The following H2BN1 variants were observed in gnomAD, a reference collection of about 807,000 sequenced individuals.
The protein encoded by H2BN1 is histone H2B.N.
the H2BN1 span, among the ~76,000 whole-genome samples, chr17:32,901,749 G>T: frequency 2.0e-5 from 3 of 152,184 alleles, no homozygotes; most frequent in Non-Finnish European, 4.4e-5. Flanking sequence ...ATGGCGAGAT[G>T]CAATGAAAGT....
the H2BN1 span, among the ~76,000 whole-genome samples, chr17:32,897,069 C>G: frequency 1.3e-5 from 2 of 152,264 alleles, no homozygotes; most frequent in East Asian, 1.9e-4. Context: ...GAGTCACTGT[C>G]TCAGGGCACT....
At chr17:32,903,413 C>T in the H2BN1 span, among the ~76,000 whole-genome samples, 6 of 152,008 alleles carry the variant, frequency 3.9e-5, no homozygotes, top group Admixed American at 1.3e-4. Context: ...AAATTTACAT[C>T]GTAAGTTATG....
the H2BN1 span, among the ~76,000 whole-genome samples, chr17:32,901,046 A>G: frequency 3.3e-5 from 5 of 151,936 alleles, no homozygotes; most frequent in Admixed American, 1.3e-4. Flanking sequence ...TGTCTCTACT[A>G]AAAATACAAA....
the H2BN1 span, among the ~76,000 whole-genome samples, chr17:32,901,212 A>G: frequency 2.0e-5 from 3 of 152,076 alleles, no homozygotes; most frequent in Admixed American, 6.6e-5. Context: ...GTGTCAAAAA[A>G]AATTTTTTTT....
the H2BN1 span, among the ~76,000 whole-genome samples, chr17:32,900,181 C>T: frequency 6.6e-6 from 1 of 152,120 alleles, no homozygotes; most frequent in African/African-American, 2.4e-5. Flanking sequence ...AGGAATTTCC[C>T]ATAATTTTGG....
At chr17:32,899,053 C>T in the H2BN1 span, among the ~76,000 whole-genome samples, 5 of 152,084 alleles carry the variant, frequency 3.3e-5, no homozygotes, top group Non-Finnish European at 5.9e-5. Flanking sequence ...TAATAAAAAT[C>T]GAACAACATT....
chr17:32,896,218 A>C, the H2BN1 span, among the ~76,000 whole-genome samples: 20 of 152,250 alleles, frequency 1.3e-4, no homozygotes, highest in South Asian at 1.2e-3. Context: ...GCCTGGCCTA[A>C]ACTGATTCTT....
At chr17:32,905,729 C>T in the H2BN1 span, 1 of 152,042 alleles carries the variant, frequency 6.6e-6, no homozygotes, top group Non-Finnish European at 1.5e-5. Context: ...GGGGACAACT[C>T]GAGGTGAAGG....
the H2BN1 span, among the ~76,000 whole-genome samples, chr17:32,897,358 TAC>T: frequency 0.12 from 15,082 of 123,814 alleles, 897 homozygotes; most frequent in East Asian, 0.16. Flanking sequence ...CTCTCTGTCT[TAC>T]ACACACACAC....
the H2BN1 span, among the ~76,000 whole-genome samples, chr17:32,900,477 A>G: frequency 6.6e-6 from 1 of 152,262 alleles, no homozygotes; most frequent in East Asian, 1.9e-4. Flanking sequence ...CATTTGACCA[A>G]AGTGATAACT....
At chr17:32,896,533 GT>G in the H2BN1 span, among the ~76,000 whole-genome samples, 4 of 152,290 alleles carry the variant, frequency 2.6e-5, 1 homozygote, top group African/African-American at 9.6e-5. Flanking sequence ...AAGTTTGAGT[GT>G]TCACGTGTGT....
At chr17:32,904,322 AC>A in the H2BN1 span, among the ~76,000 whole-genome samples, 4 of 152,216 alleles carry the variant, frequency 2.6e-5, no homozygotes, top group African/African-American at 4.8e-5. Flanking sequence ...AAAGTAGTAG[AC>A]AAGACCTCTT....
the H2BN1 span, chr17:32,906,272 C>T: frequency 6.6e-6 from 1 of 152,204 alleles, no homozygotes; most frequent in African/African-American, 2.4e-5. Flanking sequence ...ATGGGTTAGC[C>T]TGGAGGCATT....
chr17:32,901,226 A>G, the H2BN1 span, among the ~76,000 whole-genome samples: 1 of 151,812 alleles, frequency 6.6e-6, no homozygotes, highest in African/African-American at 2.4e-5. Flanking sequence ...TTTTTTTTTT[A>G]AATCTTGACC....
At chr17:32,898,022 C>T in the H2BN1 span, among the ~76,000 whole-genome samples, 4 of 152,156 alleles carry the variant, frequency 2.6e-5, no homozygotes, top group African/African-American at 7.2e-5. Context: ...ATCCAAACAA[C>T]GGTTATCTTT....
At chr17:32,905,336 C>T in the H2BN1 span, among the ~76,000 whole-genome samples, 1 of 152,174 alleles carries the variant, frequency 6.6e-6, no homozygotes, top group Non-Finnish European at 1.5e-5. Context: ...GGGGTGCTTG[C>T]AGACTTCAAT....
At chr17:32,895,894 C>T in the H2BN1 span, among the ~76,000 whole-genome samples, 6 of 152,064 alleles carry the variant, frequency 3.9e-5, no homozygotes, top group Non-Finnish European at 5.9e-5. Flanking sequence ...AATCTGTAAA[C>T]TGATTCTTTT....
the H2BN1 span, among the ~76,000 whole-genome samples, chr17:32,901,582 C>G: frequency 1.3e-5 from 2 of 152,126 alleles, no homozygotes; most frequent in African/African-American, 4.8e-5. Flanking sequence ...TAAGATTTAG[C>G]AGGACTTGGT....
At chr17:32,901,214 AT>A in the H2BN1 span, among the ~76,000 whole-genome samples, 19 of 150,086 alleles carry the variant, frequency 1.3e-4, no homozygotes, top group Non-Finnish European at 2.2e-4. Flanking sequence ...GTCAAAAAAA[AT>A]TTTTTTTTTT....
Sources: gnomAD v4.1 joint callset for allele counts (sites outside exome capture counted in the v4.1 genomes callset) on GRCh38, gnomAD v4.1.1 for gene constraint, MANE v1.5 for transcripts, NCBI Gene and HGNC (gene_info 2026-07-23, HGNC 2026-07-21) for gene names.